Variants in KLHDC1 observed in about 807,000 individuals in gnomAD.
KLHDC1 encodes the protein kelch domain-containing protein 1.
In KLHDC1, 53 loss-of-function variants were observed where a neutral mutation model predicts 68.3. The observed-to-expected ratio is 0.78, with a 90% CI of 0.62 to 0.98. KLHDC1 has a LOEUF of 0.98. Among genes scored for constraint, KLHDC1 ranks in the 50% least tolerant of loss-of-function variants. The pLI is 0.00. For synonymous variants in KLHDC1, 148 were observed against 159.0 expected (o/e 0.93, Z 0.52); for missense variants, 470 against 492.3 (o/e 0.95, Z 0.43).
chr14:49,725,897 G>A, intron 6 of KLHDC1, 128 bp downstream of exon 6: 1 of 534,874 alleles, frequency 1.9e-6, no homozygotes, highest in South Asian at 2.7e-5. Flanking sequence ...GCCCAGGCTG[G>A]AGTACAGTGG....
intron 11 of KLHDC1, among the ~76,000 whole-genome samples, chr14:49,742,486 C>A (rs895641740): frequency 1.3e-5 from 2 of 151,806 alleles, no homozygotes; most frequent in Non-Finnish European, 2.9e-5. Flanking sequence ...GCCTGGCCAA[C>A]ATGGCAAAAC....
chr14:49,693,688 G>T (rs1184956303), intron 1 of KLHDC1, among the ~76,000 whole-genome samples: 2 of 150,452 alleles, frequency 1.3e-5, no homozygotes, highest in Non-Finnish European at 3.0e-5. Flanking sequence ...CCCACGGCGC[G>T]ATTCGAAATA....
chr14:49,730,310 C>G (rs1234168790), intron 8 of KLHDC1, among the ~76,000 whole-genome samples: 1 of 151,322 alleles, frequency 6.6e-6, no homozygotes, highest in African/African-American at 2.4e-5. Context: ...GCAACCTCGC[C>G]TCCCAGGTTC....
chr14:49,745,685 A>G (rs964620378), intron 12 of KLHDC1, among the ~76,000 whole-genome samples: 5 of 152,200 alleles, frequency 3.3e-5, no homozygotes, highest in Non-Finnish European at 7.4e-5. Flanking sequence ...AAACAGTGCA[A>G]GGGTGTTAGT....
At chr14:49,728,373 A>G (rs1888722800) in intron 6 of KLHDC1, among the ~76,000 whole-genome samples, 1 of 152,230 alleles carries the variant, frequency 6.6e-6, no homozygotes, top group Non-Finnish European at 1.5e-5. Flanking sequence ...TATTTATTCA[A>G]AATAAAGTGT....
At chr14:49,713,280 T>A (rs1226880237) in intron 4 of KLHDC1, among the ~76,000 whole-genome samples, 1 of 152,128 alleles carries the variant, frequency 6.6e-6, no homozygotes, top group African/African-American at 2.4e-5. Context: ...TAGACATTAG[T>A]AGGCACATAA....
intron 1 of KLHDC1, among the ~76,000 whole-genome samples, chr14:49,703,990 C>T (rs1270369075): frequency 1.3e-5 from 2 of 152,186 alleles, no homozygotes; most frequent in African/African-American, 4.8e-5. Context: ...AATGTTGGAT[C>T]ACTTGATATG....
intron 6 of KLHDC1, 104 bp downstream of exon 6, chr14:49,725,873 A>C (rs1362372788): frequency 4.8e-6 from 3 of 619,344 alleles, no homozygotes; most frequent in Non-Finnish European, 8.3e-6. Context: ...TTTGAGACAA[A>C]GTCTTGCTCT....
At chr14:49,724,267 C>T (rs1268135737) in intron 5 of KLHDC1, among the ~76,000 whole-genome samples, 1 of 151,846 alleles carries the variant, frequency 6.6e-6, no homozygotes, top group Non-Finnish European at 1.5e-5. Context: ...ACCGCAAAAG[C>T]TATTGTTGAC....
chr14:49,740,463 G>A (rs568679510), intron 11 of KLHDC1, among the ~76,000 whole-genome samples: 8 of 152,066 alleles, frequency 5.3e-5, no homozygotes, highest in African/African-American at 1.4e-4. Context: ...TCAGCCTCCC[G>A]AGTAGCTGGG....
intron 9 of KLHDC1, among the ~76,000 whole-genome samples, chr14:49,733,055 C>T (rs957620501): frequency 6.6e-6 from 1 of 152,088 alleles, no homozygotes; most frequent in Non-Finnish European, 1.5e-5. Flanking sequence ...AAACAAAGCC[C>T]CTTTATACTA....
chr14:49,713,809 TATATATATATATATATA>T (rs1888274049), intron 4 of KLHDC1, among the ~76,000 whole-genome samples: 1 of 26,806 alleles, frequency 3.7e-5, no homozygotes. Context: ...TATATATATA[TATATATATATATATATA>T]TATATATATA....
chr14:49,714,528 C>A (rs2139743545), intron 4 of KLHDC1, among the ~76,000 whole-genome samples: 1 of 151,928 alleles, frequency 6.6e-6, no homozygotes, highest in Non-Finnish European at 1.5e-5. Flanking sequence ...AATCCCAGTA[C>A]TTTGGGAGGT....
At chr14:49,706,432 C>G (rs993302842) in intron 1 of KLHDC1, among the ~76,000 whole-genome samples, 1 of 152,142 alleles carries the variant, frequency 6.6e-6, no homozygotes, top group African/African-American at 2.4e-5. Context: ...AACAGTGCTG[C>G]AACAAACATG....
chr14:49,703,842 C>T (rs939117144), intron 1 of KLHDC1, among the ~76,000 whole-genome samples: 9 of 152,300 alleles, frequency 5.9e-5, no homozygotes, highest in African/African-American at 2.2e-4. Context: ...TATGAGTTTA[C>T]TGCAATTTAT....
In KLHDC1 at chr14:49,693,178, G is replaced by T; in HGVS notation, c.-17G>T. 6.4e-7 allele frequency: 1 copy of T among 1,574,796 alleles called. No homozygotes were observed. The highest frequency in any genetic ancestry group is 8.6e-7 in the Non-Finnish European group (1 of 1,162,502). On this transcript the variant is annotated 5_prime_UTR_variant, in exon 1 of 13. Transcript: ENST00000359332. The stretch of plus-strand genomic sequence containing the variant: ...AGGGGTTGTGGCGCGGCAAGCGGCG[G>T]GCCAGCGACGGCGCGAATGGCGGAC...
intron 9 of KLHDC1, among the ~76,000 whole-genome samples, chr14:49,733,413 G>T (rs1236332834): frequency 1.3e-5 from 2 of 149,940 alleles, no homozygotes; most frequent in Admixed American, 6.6e-5. Flanking sequence ...GATGTTTTAT[G>T]TTTTCTATTT....
intron 4 of KLHDC1, among the ~76,000 whole-genome samples, chr14:49,715,782 A>AT (rs1342894277): frequency 3.5e-5 from 5 of 144,716 alleles, no homozygotes; most frequent in African/African-American, 1.3e-4. Flanking sequence ...ATATATATAT[A>AT]ATAAAAGATA....
chr14:49,713,874 A>G (rs1888297871), intron 4 of KLHDC1, among the ~76,000 whole-genome samples: 1 of 63,404 alleles, frequency 1.6e-5, no homozygotes, highest in African/African-American at 5.3e-5. Context: ...TTTTCCTGAG[A>G]CAGAGTCTCA....
Sources: gnomAD v4.1 joint callset for allele counts (sites outside exome capture counted in the v4.1 genomes callset) on GRCh38, gnomAD v4.1.1 for gene constraint, MANE v1.5 for transcripts, NCBI Gene and HGNC (gene_info 2026-07-23, HGNC 2026-07-21) for gene names.